Variants in MYO5A observed in about 807,000 individuals in gnomAD.
MYO5A encodes myosin VA.
MYO5A carries 98 observed loss-of-function variants against 249.7 expected under a neutral mutation model. The ratio of observed to expected loss-of-function variants is 0.39; its 90% confidence interval spans 0.33 to 0.46. The LOEUF (loss-of-function observed/expected upper bound fraction) is 0.46, where lower values mean the gene tolerates loss of function less well. MYO5A is among the 20% of genes least tolerant of loss of function. The probability of loss-of-function intolerance (pLI) is 0.98; values close to 1 mark genes in which losing one functional copy is unlikely to be tolerated. For synonymous variants in MYO5A, 778 were observed against 810.6 expected (o/e 0.96, Z 0.68); for missense variants, 1,696 against 2,308.8 (o/e 0.73, Z 5.44).
chr15:52,501,887 ACAC>A (rs1344375054), intron 1 of MYO5A, among the ~76,000 whole-genome samples: 12 of 141,862 alleles, frequency 8.5e-5, no homozygotes, highest in African/African-American at 3.5e-4. Context: ...ACACACACAC[ACAC>A]ACACACACAC....
At position 52,330,453 on chromosome 15, in the gene MYO5A, G is replaced by A. The variant is rs35533393; in HGVS notation, c.4455C>T (p.Pro1485=). The A allele has an allele frequency of 2.0e-5, 32 of 1,613,928 alleles. No individual in the cohort carries two copies. In the African/African-American group the frequency reaches 3.9e-4, roughly 20 times the overall value. ...TCCTGGGAATGTTGACTGGTCGGAT[G>A]GGTTCATCAATGATCTGTCCTGGGG... is the stretch of plus-strand genomic sequence containing the variant. ...NISPGQIIDE[P]IRPVNIPRKE... The change falls in exon 35 of 42, where the codon CCC becomes CCT. Residue 1485 remains proline (P), a synonymous_variant. Transcript: ENST00000399233.
At chr15:52,423,177 T>A (rs1470961063) in intron 4 of MYO5A, among the ~76,000 whole-genome samples, 3 of 152,094 alleles carry the variant, frequency 2.0e-5, no homozygotes, top group African/African-American at 7.2e-5. Flanking sequence ...CCTGAAGACA[T>A]GAGGGATCCC....
chr15:52,483,836 G>A (rs1281094203), intron 1 of MYO5A, among the ~76,000 whole-genome samples: 2 of 152,144 alleles, frequency 1.3e-5, no homozygotes, highest in African/African-American at 4.8e-5. Context: ...ATAACACAAC[G>A]ATTTAGAAAA....
chr15:52,452,602 C>A (rs149852077), intron 1 of MYO5A, among the ~76,000 whole-genome samples: 5 of 151,960 alleles, frequency 3.3e-5, no homozygotes, highest in Non-Finnish European at 4.4e-5. Flanking sequence ...TCCATAATTC[C>A]CCTGTGCCCA....
Position 52,313,804 on chromosome 15 carries a change from A to C in MYO5A, c.5535T>G (p.Asp1845Glu). The change falls in exon 42 of 42, where the codon GAT (aspartate) becomes GAG (glutamate). Residue 1845 changes from aspartate (D) to glutamate (E), a missense_variant. Around this residue, in one of 5 missense-constraint regions of MYO5A, gnomAD observed 625 missense variants for 908.1 expected, o/e 0.69. Transcript: ENST00000399233. ...DRKDSPQLLMDAKHIFPVTFP... is the reference protein window; with the variant it reads ...DRKDSPQLLMEAKHIFPVTFP... ...AGGTGACAGGAAAGATGTGTTTAGC[A>C]TCCATGAGCAGCTGGGGAGAGTCTT... is the stretch of plus-strand genomic sequence containing the variant. 6.2e-7 allele frequency: 1 copy of C among 1,614,124 alleles called. No individual in the cohort carries two copies.
At chr15:52,481,145 T>C (rs1301884318) in intron 1 of MYO5A, among the ~76,000 whole-genome samples, 1 of 152,208 alleles carries the variant, frequency 6.6e-6, no homozygotes, top group Non-Finnish European at 1.5e-5. Flanking sequence ...TTATCTGCAT[T>C]GCCAAAATCC....
chr15:52,357,630 A>G (rs1221444219), intron 25 of MYO5A, among the ~76,000 whole-genome samples: 1 of 152,184 alleles, frequency 6.6e-6, no homozygotes. Context: ...CTCGAGGCAT[A>G]AAGAGTGGTA....
intron 10 of MYO5A, 56 bp from the exon 11 acceptor site, chr15:52,396,453 A>T (rs890551299): frequency 8.5e-6 from 8 of 944,630 alleles, no homozygotes; most frequent in African/African-American, 3.3e-5. Context: ...AGCTTTTTAA[A>T]AATATTCAAA....
chr15:52,353,860 G>A lies in MYO5A; in HGVS notation c.3567+11C>T, dbSNP rs771461855. On this transcript the variant is annotated intron_variant, in intron 26 of 41. Transcript: ENST00000399233. Reference sequence around the variant, plus strand: ...CCAGCTTCAGCTCTGCGGATGGGCTGTGCTGCGCACCTTGGCCTTGCTGCG... The same window carrying A: ...CCAGCTTCAGCTCTGCGGATGGGCTATGCTGCGCACCTTGGCCTTGCTGCG... 6.2e-7 allele frequency: 1 copy of A among 1,613,224 alleles called. No individual in the cohort carries two copies. Among genetic ancestry groups the A allele is most frequent in the East Asian group, 2.2e-5 (1 of 44,892 alleles).
At chr15:52,405,703 T>C (rs1028449295) in intron 8 of MYO5A, among the ~76,000 whole-genome samples, 1 of 152,204 alleles carries the variant, frequency 6.6e-6, no homozygotes, top group Non-Finnish European at 1.5e-5. Context: ...ATTTGAGATA[T>C]GAAAATAATA....
chr15:52,394,219 C>A (rs1020473729), intron 11 of MYO5A, among the ~76,000 whole-genome samples: 1 of 152,234 alleles, frequency 6.6e-6, no homozygotes, highest in African/African-American at 2.4e-5. Context: ...ACCCCACGTT[C>A]CTAGTCACAG....
At position 52,336,321 on chromosome 15, in the gene MYO5A, G is replaced by A. The variant is rs1203062715; in HGVS notation, c.4408+142C>T. ...AAATGTAAATTTCTACTCAAAAGAG[G>A]TTAGGTTTGCCAAAAGTCATATTTT... is the stretch of plus-strand genomic sequence containing the variant. On this transcript the variant is annotated intron_variant, in intron 34 of 41. Transcript: ENST00000399233. The A allele has an allele frequency of 7.9e-6, 5 of 632,308 alleles. No homozygotes were observed. In the Admixed American group the frequency reaches 1.1e-4, roughly 14 times the overall value. 39.2% of individuals were successfully genotyped at this position (632,308 alleles called of 1,614,324 possible).
At chr15:52,466,757 T>C (rs1179353487) in intron 1 of MYO5A, among the ~76,000 whole-genome samples, 1 of 152,052 alleles carries the variant, frequency 6.6e-6, no homozygotes, top group African/African-American at 2.4e-5. Context: ...TGCCCCCCAC[T>C]CCAAGATAGG....
intron 11 of MYO5A, 129 bp downstream of exon 11, chr15:52,396,187 C>T (rs1337606138): frequency 1.5e-5 from 10 of 659,546 alleles, no homozygotes; most frequent in East Asian, 8.5e-5. Context: ...ATTCATTAAT[C>T]GTCAGTTCTA....
intron 1 of MYO5A, among the ~76,000 whole-genome samples, chr15:52,481,706 G>A (rs892697117): frequency 1.3e-5 from 2 of 152,208 alleles, no homozygotes; most frequent in Admixed American, 1.3e-4. Context: ...AAGACATAAA[G>A]ATGTGGAACA....
chr15:52,499,318 ATTT>A (rs1403031586), intron 1 of MYO5A, among the ~76,000 whole-genome samples: 2 of 152,136 alleles, frequency 1.3e-5, no homozygotes, highest in Non-Finnish European at 2.9e-5. Context: ...TTTTATTATT[ATTT>A]TTAATTGTGG....
chr15:52,369,341 C>T (rs1390181428), intron 22 of MYO5A, among the ~76,000 whole-genome samples: 2 of 152,164 alleles, frequency 1.3e-5, no homozygotes, highest in East Asian at 1.9e-4. Flanking sequence ...ATGGTAATAC[C>T]AGCGGAATCT....
Position 52,528,832 on chromosome 15 carries a change from CCGCCTGTGCGGAGGCCGCACCT to C in MYO5A, c.-48_-27del. 1 of 1,474,002 alleles carries C rather than the reference CCGCCTGTGCGGAGGCCGCACCT, an allele frequency of 6.8e-7. No homozygotes were observed. The highest frequency in any genetic ancestry group is 8.9e-7 in the Non-Finnish European group (1 of 1,117,516). 91.3% of individuals were successfully genotyped at this position (1,474,002 alleles called of 1,614,324 possible). On this transcript the variant is annotated 5_prime_UTR_variant, in exon 1 of 42. Transcript: ENST00000399233. ...GGCGGGCCCCGCGCGCCTACGCCCCCCGCCTGTGCGGAGGCCGCACCTCGCCTGGGCGGCCGCCCGAGCGGAC... is the reference window on the plus strand; with the variant it reads ...GGCGGGCCCCGCGCGCCTACGCCCCCCGCCTGGGCGGCCGCCCGAGCGGAC...
chr15:52,413,147 CAAAAAAAAAAA>C (rs767059579), intron 5 of MYO5A, among the ~76,000 whole-genome samples: 1 of 66,166 alleles, frequency 1.5e-5, no homozygotes, highest in African/African-American at 6.0e-5. Context: ...AACTCTGTCT[CAAAAAAAAAAA>C]AAAAAAAAAA....
Sources: gnomAD v4.1 joint callset for allele counts (sites outside exome capture counted in the v4.1 genomes callset) on GRCh38, gnomAD v4.1.1 for gene constraint, gnomAD v4.1.1 regional missense constraint, MANE v1.5 for transcripts, NCBI Gene and HGNC (gene_info 2026-07-23, HGNC 2026-07-21) for gene names.